The following LYPLAL1 variants were observed in gnomAD, a reference collection of about 807,000 sequenced individuals.
LYPLAL1 encodes lysophospholipase like 1.
A neutral mutation model predicts 19.7 loss-of-function variants in LYPLAL1; 23 were observed. The ratio of observed to expected loss-of-function variants is 1.17; its 90% CI spans 0.84 to 1.65. LYPLAL1 has a LOEUF of 1.65. Ranked by LOEUF, LYPLAL1 falls within the 40% of genes most tolerant of loss-of-function variation. LYPLAL1 has a pLI of 0.00. For missense variants in LYPLAL1, 355 were observed against 279.4 expected (o/e 1.27, Z -1.93); for synonymous variants, 119 against 96.3 (o/e 1.24, Z -1.38).
chr1:219,397,342 C>A, the LYPLAL1 span, among the ~76,000 whole-genome samples: 2 of 152,264 alleles, frequency 1.3e-5, no homozygotes, highest in East Asian at 3.9e-4. Flanking sequence ...ATTTTTGCAT[C>A]AATGTTCATA....
chr1:219,290,305 T>C, the LYPLAL1 span, among the ~76,000 whole-genome samples: 1 of 152,148 alleles, frequency 6.6e-6, no homozygotes, highest in Non-Finnish European at 1.5e-5. Flanking sequence ...AGGAACTCCA[T>C]CTTGAGTGAG....
the LYPLAL1 span, among the ~76,000 whole-genome samples, chr1:219,245,191 TCC>T: frequency 6.2e-5 from 2 of 32,102 alleles, no homozygotes; most frequent in South Asian, 3.4e-3. Flanking sequence ...CTTCCTTCCT[TCC>T]TTCCTTCCTT....
At chr1:219,286,793 G>A in the LYPLAL1 span, among the ~76,000 whole-genome samples, 1 of 152,182 alleles carries the variant, frequency 6.6e-6, no homozygotes, top group Non-Finnish European at 1.5e-5. Flanking sequence ...AGATTTGCCT[G>A]TTCTCCTCTG....
At chr1:219,414,832 G>C in the LYPLAL1 span, among the ~76,000 whole-genome samples, 1 of 152,012 alleles carries the variant, frequency 6.6e-6, no homozygotes, top group Admixed American at 6.5e-5. Flanking sequence ...GTATTCTGAG[G>C]GTTCTGTGCT....
At chr1:219,238,144 G>A in the LYPLAL1 span, among the ~76,000 whole-genome samples, 1 of 18,290 alleles carries the variant, frequency 5.5e-5, no homozygotes, top group Admixed American at 5.1e-4. Flanking sequence ...TTTTTTTTTT[G>A]ACAGAGTCTC....
chr1:219,303,079 A>G, the LYPLAL1 span, among the ~76,000 whole-genome samples: 2 of 152,192 alleles, frequency 1.3e-5, no homozygotes, highest in African/African-American at 2.4e-5. Flanking sequence ...AAGTATAGAA[A>G]ATGCTCCACT....
chr1:219,213,420 TAAAC>T (rs900623159), downstream of LYPLAL1, among the ~76,000 whole-genome samples: 2 of 151,688 alleles, frequency 1.3e-5, no homozygotes, highest in Non-Finnish European at 2.9e-5. Context: ...CCTTTCCACA[TAAAC>T]AACCTTGTCT....
intron 2 of LYPLAL1, among the ~76,000 whole-genome samples, chr1:219,184,769 A>G (rs1015162817): frequency 1.3e-5 from 2 of 151,960 alleles, no homozygotes; most frequent in African/African-American, 4.8e-5. Context: ...CCAACCTTAC[A>G]TTCCTGGGAT....
chr1:219,249,197 C>T, the LYPLAL1 span, among the ~76,000 whole-genome samples: 1 of 152,004 alleles, frequency 6.6e-6, no homozygotes, highest in Non-Finnish European at 1.5e-5. Flanking sequence ...CCTCCACTAT[C>T]ACAAGTCTCC....
the LYPLAL1 span, among the ~76,000 whole-genome samples, chr1:219,344,045 C>T: frequency 6.6e-6 from 1 of 152,166 alleles, no homozygotes. Flanking sequence ...AAAGATTCCC[C>T]TCCACCTAGG....
chr1:219,299,085 C>A, the LYPLAL1 span, among the ~76,000 whole-genome samples: 1 of 150,698 alleles, frequency 6.6e-6, no homozygotes, highest in East Asian at 2.0e-4. Context: ...AAAGTCATTA[C>A]TTCACAATGA....
chr1:219,199,434 A>G (rs528994288), intron 3 of LYPLAL1, among the ~76,000 whole-genome samples: 56 of 152,062 alleles, frequency 3.7e-4, no homozygotes, highest in Non-Finnish European at 7.1e-4. Flanking sequence ...AAGCTGGTTA[A>G]TACTGATCTT....
chr1:219,174,881 A>T, intron 1 of LYPLAL1: 3 of 985,248 alleles, frequency 3.0e-6, no homozygotes, highest in Non-Finnish European at 3.6e-6. Flanking sequence ...TCAGCAGTGC[A>T]TGGAAGATCA....
At chr1:219,287,987 C>G in the LYPLAL1 span, among the ~76,000 whole-genome samples, 2 of 152,208 alleles carry the variant, frequency 1.3e-5, no homozygotes, top group Admixed American at 1.3e-4. Context: ...AGCCATGCTT[C>G]TTGTACAGTC....
the LYPLAL1 span, among the ~76,000 whole-genome samples, chr1:219,292,442 C>T: frequency 7.2e-5 from 11 of 152,322 alleles, no homozygotes; most frequent in African/African-American, 2.6e-4. Context: ...TTAGGAAGAT[C>T]TAAGCTCAAG....
At chr1:219,362,029 T>G in the LYPLAL1 span, among the ~76,000 whole-genome samples, 2 of 152,152 alleles carry the variant, frequency 1.3e-5, no homozygotes, top group African/African-American at 2.4e-5. Flanking sequence ...AATTAAATGT[T>G]AATCCTCTTG....
chr1:219,441,707 T>C, the LYPLAL1 span, among the ~76,000 whole-genome samples: 1 of 152,204 alleles, frequency 6.6e-6, no homozygotes, highest in African/African-American at 2.4e-5. Context: ...ATTGGAGTCA[T>C]CTGCTCTTAT....
At position 219,211,478 on chromosome 1, in the gene LYPLAL1, ATCT is replaced by A. The variant is rs766234731; in HGVS notation, c.478-7_478-5del. The A allele has an allele frequency of 4.1e-6, 6 of 1,477,970 alleles. No individual in the cohort carries two copies. The highest frequency in any genetic ancestry group is 4.6e-6 in the Non-Finnish European group (5 of 1,078,762). The allele number at this position is 1,477,970 out of a possible 1,614,324, so 91.6% of individuals were successfully genotyped here. Reference sequence around the variant, plus strand: ...ATTTCTTAAACTTTTCTGTCTTTGTATCTTCTTCTCTAGGCTCTTCAGAAGAGT... The same window carrying A: ...ATTTCTTAAACTTTTCTGTCTTTGTATCTTCTCTAGGCTCTTCAGAAGAGT... On this transcript the variant is annotated splice_polypyrimidine_tract_variant and intron_variant, in intron 4 of 4. Coordinates refer to ENST00000366928, the MANE Select transcript of LYPLAL1 (RefSeq NM_138794.5).
the LYPLAL1 span, among the ~76,000 whole-genome samples, chr1:219,232,901 T>C: frequency 2.0e-5 from 3 of 150,934 alleles, no homozygotes; most frequent in East Asian, 5.8e-4. Context: ...GTGTTTGTGA[T>C]GATGTGGAGA....
Sources: gnomAD v4.1 joint callset for allele counts (sites outside exome capture counted in the v4.1 genomes callset) on GRCh38, gnomAD v4.1.1 for gene constraint, MANE v1.5 for transcripts, NCBI Gene and HGNC (gene_info 2026-07-23, HGNC 2026-07-21) for gene names.